FRMD4B: variants seen among roughly 807,000 people sequenced by gnomAD.
The protein encoded by FRMD4B is FERM domain containing 4B, also known as FERM domain-containing protein 4B.
A neutral mutation model predicts 141.5 loss-of-function variants in FRMD4B; 74 were observed. The ratio of observed to expected loss-of-function variants is 0.52; its 90% CI spans 0.43 to 0.63. The LOEUF (loss-of-function observed/expected upper bound fraction) is 0.63, where lower values mean the gene tolerates loss of function less well. FRMD4B is among the 30% of genes least tolerant of loss of function. FRMD4B has a pLI of 0.00. For missense variants in FRMD4B, 1,366 were observed against 1,253.4 expected (o/e 1.09, Z -1.36); for synonymous variants, 506 against 467.9 (o/e 1.08, Z -1.05).
intron 8 of FRMD4B, among the ~76,000 whole-genome samples, chr3:69,224,034 T>G (rs2107756066): frequency 6.6e-6 from 1 of 152,262 alleles, no homozygotes; most frequent in East Asian, 1.9e-4. Flanking sequence ...AAAAACCATC[T>G]TGAGGATTCA....
At chr3:69,400,302 G>A (rs541100585) in intron 2 of FRMD4B, among the ~76,000 whole-genome samples, 5 of 152,090 alleles carry the variant, frequency 3.3e-5, no homozygotes, top group Admixed American at 6.6e-5. Flanking sequence ...TTGAATCCAC[G>A]GGTTTGAAGA....
At chr3:69,534,396 CT>C (rs1701052814) in intron 1 of FRMD4B, among the ~76,000 whole-genome samples, 1 of 152,144 alleles carries the variant, frequency 6.6e-6, no homozygotes, top group Non-Finnish European at 1.5e-5. Context: ...AAATGTTTCT[CT>C]ATCTATCATC....
At chr3:69,454,832 G>C (rs1705562317) in intron 1 of FRMD4B, among the ~76,000 whole-genome samples, 1 of 152,236 alleles carries the variant, frequency 6.6e-6, no homozygotes, top group South Asian at 2.1e-4. Context: ...TGCAGGACTG[G>C]CGGGCACCTC....
chr3:69,248,667 G>A (rs2093441232), intron 7 of FRMD4B, among the ~76,000 whole-genome samples: 1 of 152,200 alleles, frequency 6.6e-6, no homozygotes, highest in African/African-American at 2.4e-5. Context: ...GGACAGAATG[G>A]AGCAGGTAGA....
chr3:69,333,472 GA>G (rs1291112613), intron 1 of FRMD4B, among the ~76,000 whole-genome samples: 1 of 152,216 alleles, frequency 6.6e-6, no homozygotes, highest in Non-Finnish European at 1.5e-5. Context: ...TTGAGAATTA[GA>G]AATCCTTGTA....
At chr3:69,430,113 C>T (rs1201314032) in intron 2 of FRMD4B, among the ~76,000 whole-genome samples, 3 of 152,014 alleles carry the variant, frequency 2.0e-5, no homozygotes, top group South Asian at 2.1e-4. Flanking sequence ...CTAGTACAAA[C>T]GGGACTAGAA....
At chr3:69,426,978 T>G (rs1705090576) in intron 2 of FRMD4B, among the ~76,000 whole-genome samples, 1 of 152,172 alleles carries the variant, frequency 6.6e-6, no homozygotes. Context: ...TTTATAGGGA[T>G]TCTTATTTTT....
chr3:69,437,604 G>A (rs1226704211), intron 1 of FRMD4B, among the ~76,000 whole-genome samples: 104 of 135,340 alleles, frequency 7.7e-4, no homozygotes, highest in Non-Finnish European at 1.8e-4. Context: ...ATATTTAATA[G>A]TATATTATAT....
rs1463051653 is a variant in FRMD4B at position 69,336,959 on chromosome 3, A to G, written c.163-23442T>C. Among the ~76,000 whole-genome samples the G allele has an allele frequency of 1.5e-4, 23 of 152,126 alleles. 1 individual carries two copies. Among genetic ancestry groups the G allele is most frequent in the Non-Finnish European group, 4.4e-5 (3 of 68,024 alleles). On this transcript the variant is annotated intron_variant, in intron 1 of 22. Coordinates refer to ENST00000398540, the MANE Select transcript of FRMD4B (RefSeq NM_015123.3). ...ACTCTGTCTCAAAAAACAAAAACAA[A>G]CAAACACAGTGGCAAAGACATGAAA...
At chr3:69,232,617 G>A (rs1235415383) in intron 7 of FRMD4B, among the ~76,000 whole-genome samples, 1 of 152,136 alleles carries the variant, frequency 6.6e-6, no homozygotes, top group African/African-American at 2.4e-5. Context: ...TGGCAAAACT[G>A]AGGCTACTCT....
At chr3:69,321,729 T>C (rs1285450522) in intron 1 of FRMD4B, among the ~76,000 whole-genome samples, 1 of 152,264 alleles carries the variant, frequency 6.6e-6, no homozygotes, top group East Asian at 1.9e-4. Flanking sequence ...ATTTTTTTTT[T>C]TTCTACACAG....
intron 4 of FRMD4B, among the ~76,000 whole-genome samples, chr3:69,296,325 G>C (rs77932919): frequency 0.039 from 5,895 of 152,094 alleles, 147 homozygotes; most frequent in East Asian, 0.11. Context: ...AATAATTTCT[G>C]ATACTTGCCC....
At chr3:69,466,807 C>A (rs1162334786) in intron 1 of FRMD4B, among the ~76,000 whole-genome samples, 3 of 152,138 alleles carry the variant, frequency 2.0e-5, no homozygotes, top group African/African-American at 7.2e-5. Flanking sequence ...CTGATCCTCC[C>A]ATCTCAGGAT....
intron 1 of FRMD4B, among the ~76,000 whole-genome samples, chr3:69,385,334 CT>C (rs1251151273): frequency 6.6e-6 from 1 of 152,146 alleles, no homozygotes; most frequent in African/African-American, 2.4e-5. Flanking sequence ...ACAGAATCAG[CT>C]TTTCCTGGCT....
At chr3:69,321,974 C>A (rs571762748) in intron 1 of FRMD4B, among the ~76,000 whole-genome samples, 1 of 152,162 alleles carries the variant, frequency 6.6e-6, no homozygotes, top group Admixed American at 6.6e-5. Flanking sequence ...TCCCAAAGTG[C>A]TGGGATTACA....
At chr3:69,524,108 C>T (rs192733176) in intron 1 of FRMD4B, among the ~76,000 whole-genome samples, 118 of 152,308 alleles carry the variant, frequency 7.7e-4, no homozygotes, top group African/African-American at 2.7e-3. Context: ...AAAACCAATT[C>T]TAGGCCTCAG....
chr3:69,289,496 C>G (rs923508771), intron 4 of FRMD4B, among the ~76,000 whole-genome samples: 11 of 152,156 alleles, frequency 7.2e-5, no homozygotes, highest in African/African-American at 2.7e-4. Flanking sequence ...CAACCTGTAG[C>G]TCAACAATGG....
chr3:69,375,394 C>A (rs917643602), intron 1 of FRMD4B, among the ~76,000 whole-genome samples: 1 of 151,974 alleles, frequency 6.6e-6, no homozygotes, highest in Non-Finnish European at 1.5e-5. Context: ...GTTTTTAGTG[C>A]TTTTAAATAT....
intron 2 of FRMD4B, among the ~76,000 whole-genome samples, chr3:69,398,137 A>G (rs1704502488): frequency 6.6e-6 from 1 of 152,196 alleles, no homozygotes; most frequent in Non-Finnish European, 1.5e-5. Context: ...CTAGAGGAAA[A>G]TATACTAAAT....
Sources: allele counts gnomAD v4.1 joint callset (sites outside exome capture counted in the v4.1 genomes callset), GRCh38; gene constraint gnomAD v4.1.1; transcripts MANE v1.5; gene names NCBI Gene and HGNC (gene_info 2026-07-23, HGNC 2026-07-21).